Variants in XKR4 observed in about 807,000 individuals in gnomAD.
XKR4 encodes XK related 4.
A neutral mutation model predicts 53.9 loss-of-function variants in XKR4; 12 were observed. The ratio of observed to expected loss-of-function variants is 0.22; its 90% confidence interval spans 0.14 to 0.36. XKR4 has a LOEUF of 0.36. Among genes scored for constraint, XKR4 ranks in the 10% least tolerant of loss-of-function variants. XKR4 has a pLI of 1.00. For synonymous variants in XKR4, 354 were observed against 362.4 expected (o/e 0.98, Z 0.26); for missense variants, 799 against 859.5 (o/e 0.93, Z 0.88).
intron 2 of XKR4, among the ~76,000 whole-genome samples, chr8:55,456,407 G>T (rs1243360730): frequency 2.0e-5 from 3 of 151,554 alleles, no homozygotes; most frequent in Non-Finnish European, 4.4e-5. Flanking sequence ...CTCCAGCCTG[G>T]GCAACAAGAG....
At chr8:55,192,863 G>A (rs1271557906) in intron 1 of XKR4, among the ~76,000 whole-genome samples, 4 of 152,214 alleles carry the variant, frequency 2.6e-5, no homozygotes, top group African/African-American at 9.6e-5. Context: ...GTTGTAGGGT[G>A]GAAGAGGCTG....
intron 1 of XKR4, among the ~76,000 whole-genome samples, chr8:55,228,717 C>A (rs1817991012): frequency 6.6e-6 from 1 of 152,222 alleles, no homozygotes; most frequent in South Asian, 2.1e-4. Flanking sequence ...TGGCCTCCTT[C>A]TGTTCTTCTT....
intron 1 of XKR4, chr8:55,164,493 T>C (rs1817036648): frequency 2.2e-6 from 1 of 454,848 alleles, no homozygotes; most frequent in Non-Finnish European, 4.4e-6. Context: ...AGCTGCAAGC[T>C]CAATGTCCTG....
chr8:55,516,481 A>C (rs1339922094), intron 2 of XKR4, among the ~76,000 whole-genome samples: 1 of 152,236 alleles, frequency 6.6e-6, no homozygotes, highest in Non-Finnish European at 1.5e-5. Flanking sequence ...AAAAATGTTG[A>C]AATCAACAGA....
At chr8:55,390,876 C>T (rs1259277479) in intron 2 of XKR4, among the ~76,000 whole-genome samples, 1 of 152,154 alleles carries the variant, frequency 6.6e-6, no homozygotes, top group East Asian at 1.9e-4. Flanking sequence ...GACTTCAAAG[C>T]CATTCTCATC....
intron 1 of XKR4, among the ~76,000 whole-genome samples, chr8:55,147,103 A>G (rs1045483014): frequency 2.0e-5 from 3 of 152,242 alleles, no homozygotes; most frequent in Non-Finnish European, 2.9e-5. Flanking sequence ...TATCACTAAA[A>G]TAGGTTCTGG....
chr8:55,459,095 C>T (rs1805611185), intron 2 of XKR4, among the ~76,000 whole-genome samples: 1 of 152,026 alleles, frequency 6.6e-6, no homozygotes, highest in African/African-American at 2.4e-5. Context: ...ATCAAAGGAA[C>T]AGAATATAGA....
intron 1 of XKR4, among the ~76,000 whole-genome samples, chr8:55,316,748 C>G (rs926706726): frequency 1.4e-4 from 21 of 152,294 alleles, no homozygotes; most frequent in African/African-American, 5.1e-4. Context: ...ATCCACTCCA[C>G]CCTTTCTCTA....
At chr8:55,336,548 T>A (rs1803464425) in intron 1 of XKR4, among the ~76,000 whole-genome samples, 6 of 152,232 alleles carry the variant, frequency 3.9e-5, no homozygotes, top group Admixed American at 3.9e-4. Flanking sequence ...TTATGTAGGA[T>A]GTTATCACTG....
chr8:55,157,733 A>G (rs1816927589), intron 1 of XKR4, among the ~76,000 whole-genome samples: 1 of 152,022 alleles, frequency 6.6e-6, no homozygotes, highest in African/African-American at 2.4e-5. Context: ...GTTCATATGT[A>G]CTCAATGTTT....
chr8:55,181,376 C>T (rs1271223020), intron 1 of XKR4, among the ~76,000 whole-genome samples: 1 of 152,088 alleles, frequency 6.6e-6, no homozygotes, highest in Non-Finnish European at 1.5e-5. Context: ...TACATCCTCC[C>T]CTCATATCTC....
intron 2 of XKR4, among the ~76,000 whole-genome samples, chr8:55,448,145 C>A (rs866605972): frequency 2.0e-5 from 3 of 152,136 alleles, no homozygotes; most frequent in Non-Finnish European, 4.4e-5. Context: ...TTTTAGGTTG[C>A]CAGGAATCGA....
chr8:55,116,151 T>G (rs1452104224), intron 1 of XKR4, among the ~76,000 whole-genome samples: 1 of 152,136 alleles, frequency 6.6e-6, no homozygotes, highest in Admixed American at 6.6e-5. Flanking sequence ...AAAGTTTGTG[T>G]ATGCTGGCTG....
intron 1 of XKR4, among the ~76,000 whole-genome samples, chr8:55,187,466 C>T (rs1401500584): frequency 3.3e-5 from 5 of 152,026 alleles, no homozygotes; most frequent in Non-Finnish European, 5.9e-5. Flanking sequence ...ATCATGATGT[C>T]GTAATTAGGA....
chr8:55,154,242 A>T (rs1816877115), intron 1 of XKR4, among the ~76,000 whole-genome samples: 1 of 152,194 alleles, frequency 6.6e-6, no homozygotes, highest in Non-Finnish European at 1.5e-5. Flanking sequence ...TGTAATCCTT[A>T]AAAAGTTGAA....
At chr8:55,358,009 C>T in intron 2 of XKR4, 132 bp downstream of exon 2, 3 of 868,836 alleles carry the variant, frequency 3.5e-6, no homozygotes, top group Non-Finnish European at 3.5e-6. Context: ...ACATGTGTTT[C>T]GTGAATGATG....
At chr8:55,357,170 G>A (rs1324110450) in intron 1 of XKR4, among the ~76,000 whole-genome samples, 1 of 152,042 alleles carries the variant, frequency 6.6e-6, no homozygotes, top group Non-Finnish European at 1.5e-5. Flanking sequence ...TGAGTGAAAG[G>A]GTATAGTGGA....
chr8:55,130,883 C>G (rs1438490232), intron 1 of XKR4, among the ~76,000 whole-genome samples: 1 of 152,058 alleles, frequency 6.6e-6, no homozygotes, highest in African/African-American at 2.4e-5. Context: ...AATGCAGACT[C>G]TTGCGGTGGC....
At chr8:55,105,067 C>G (rs537497877) in intron 1 of XKR4, among the ~76,000 whole-genome samples, 1 of 152,252 alleles carries the variant, frequency 6.6e-6, no homozygotes, top group African/African-American at 2.4e-5. Context: ...TCAAATACTT[C>G]TCTATCCTGT....
Sources: gnomAD v4.1 joint callset for allele counts (sites outside exome capture counted in the v4.1 genomes callset) on GRCh38, gnomAD v4.1.1 for gene constraint, MANE v1.5 for transcripts, NCBI Gene and HGNC (gene_info 2026-07-23, HGNC 2026-07-21) for gene names.